Variants in HIVEP3 observed in about 807,000 individuals in gnomAD.
The protein encoded by HIVEP3 is HIVEP zinc finger 3.
A neutral mutation model predicts 152.8 loss-of-function variants in HIVEP3; 49 were observed. That is an observed-to-expected ratio of 0.32 (90% CI 0.26 to 0.41). HIVEP3 has a LOEUF of 0.41. HIVEP3 is among the 10% of genes least tolerant of loss of function. The pLI, the probability that HIVEP3 is intolerant of heterozygous loss-of-function variation, is 1.00. For synonymous variants in HIVEP3, 1,269 were observed against 1,289.0 expected, an observed-to-expected ratio of 0.98 and a Z score of 0.33; for missense variants, 2,790 against 3,103.3, an observed-to-expected ratio of 0.90 and a Z score of 2.40.
chr1:41,517,179 G>A (rs1034709880), intron 7 of HIVEP3, among the ~76,000 whole-genome samples: 1 of 152,216 alleles, frequency 6.6e-6, no homozygotes, highest in African/African-American at 2.4e-5. Context: ...GAGGGCTCTG[G>A]CTTAGGTTCA....
chr1:41,982,946 A>G (rs1420179477), intron 1 of HIVEP3, among the ~76,000 whole-genome samples: 1 of 152,238 alleles, frequency 6.6e-6, no homozygotes, highest in East Asian at 1.9e-4. Flanking sequence ...ACCAGGGACA[A>G]CTTTTCCATA....
At chr1:41,645,348 G>A (rs189387457) in intron 2 of HIVEP3, among the ~76,000 whole-genome samples, 40 of 152,322 alleles carry the variant, frequency 2.6e-4, no homozygotes, top group African/African-American at 9.4e-4. Context: ...GGCCCTAGAA[G>A]AGAAGGAAGT....
At chr1:41,800,042 G>A (rs376325391) in intron 1 of HIVEP3, among the ~76,000 whole-genome samples, 1 of 152,208 alleles carries the variant, frequency 6.6e-6, no homozygotes, top group African/African-American at 2.4e-5. Flanking sequence ...GCAGGGACAA[G>A]AGCATCAATT....
Position 41,703,432 on chromosome 1 carries a change from C to G in HIVEP3, c.-800-2437G>C, listed in dbSNP as rs145945735. ...ATGAACTCTGATCCCAGACTGCATG[C>G]GTCCGAATCCTGATTCTGATACTTA... is the stretch of plus-strand genomic sequence containing the variant. On this transcript the variant is annotated intron_variant, in intron 1 of 8. Coordinates refer to ENST00000372583, the MANE Select transcript of HIVEP3 (RefSeq NM_024503.5). Among the ~76,000 whole-genome samples the G allele has an allele frequency of 4.0e-3, 611 of 152,288 alleles. 6 individuals are homozygous for G. Among genetic ancestry groups the G allele is most frequent in the African/African-American group, 0.014 (597 of 41,560 alleles).
intron 1 of HIVEP3, among the ~76,000 whole-genome samples, chr1:41,861,135 G>T (rs945434266): frequency 3.3e-5 from 5 of 152,190 alleles, no homozygotes; most frequent in Non-Finnish European, 5.9e-5. Flanking sequence ...GTCAGTATGG[G>T]CAGAATGGCT....
At chr1:41,766,250 A>G (rs1233882575) in intron 1 of HIVEP3, among the ~76,000 whole-genome samples, 1 of 152,200 alleles carries the variant, frequency 6.6e-6, no homozygotes, top group East Asian at 1.9e-4. Flanking sequence ...ATATCTGGCA[A>G]TGTCTGGAAA....
chr1:41,945,820 G>T (rs1329032572), intron 1 of HIVEP3, among the ~76,000 whole-genome samples: 1 of 152,192 alleles, frequency 6.6e-6, no homozygotes, highest in African/African-American at 2.4e-5. Flanking sequence ...GGGAGGCATT[G>T]AGGAAGCATA....
chr1:41,788,482 G>C (rs1042076122), intron 1 of HIVEP3, among the ~76,000 whole-genome samples: 1 of 152,232 alleles, frequency 6.6e-6, no homozygotes, highest in Non-Finnish European at 1.5e-5. Flanking sequence ...AGAGAGGCCT[G>C]AGCAGGAGAG....
chr1:41,618,356 C>T (rs1644999426), intron 3 of HIVEP3, among the ~76,000 whole-genome samples: 2 of 152,228 alleles, frequency 1.3e-5, no homozygotes, highest in South Asian at 4.1e-4. Flanking sequence ...TAAGCATGTC[C>T]ATCTGAAAAT....
Position 41,506,799 on chromosome 1 carries a change from T to C in HIVEP3, c.*3652A>G, listed in dbSNP as rs1435949576. On this transcript the variant is annotated 3_prime_UTR_variant, in exon 9 of 9. Coordinates refer to ENST00000372583, the MANE Select transcript of HIVEP3 (RefSeq NM_024503.5). ...AACATAGAAACTTTCTACAGACAAT[T>C]TCACATACAGAATACGTACACCTTT... is the stretch of plus-strand genomic sequence containing the variant. The C allele has an allele frequency of 6.6e-6, 1 of 152,162 alleles. No homozygotes were observed. The highest frequency in any genetic ancestry group is 1.9e-4 in the East Asian group (1 of 5,204). The allele number at this position is 152,162 out of a possible 1,614,324, so 9.4% of individuals were successfully genotyped here.
At chr1:41,964,622 T>G (rs926437153) in intron 1 of HIVEP3, among the ~76,000 whole-genome samples, 1 of 152,186 alleles carries the variant, frequency 6.6e-6, no homozygotes, top group African/African-American at 2.4e-5. Flanking sequence ...CCGGGAGGAA[T>G]TCCCCCACAG....
Position 41,510,142 on chromosome 1 carries a change from A to C in HIVEP3, c.*309T>G. On this transcript the variant is annotated 3_prime_UTR_variant, in exon 9 of 9. Transcript: ENST00000372583. ...TGGGTGGCTGCCAACCACAGCGGGG[A>C]GGGTCAGGAGGCTTCACCATCAGCC... 4.0e-6 allele frequency: 1 copy of C among 248,124 alleles called. No individual in the cohort carries two copies. Among genetic ancestry groups the C allele is most frequent in the Non-Finnish European group, 7.6e-6 (1 of 131,840 alleles). The allele number at this position is 248,124 out of a possible 1,614,324, so 15.4% of individuals were successfully genotyped here. A position where few individuals can be genotyped will look rare whatever the true frequency, so the allele number is the denominator to read the frequency against.
intron 2 of HIVEP3, among the ~76,000 whole-genome samples, chr1:41,689,152 A>G (rs938032855): frequency 2.6e-5 from 4 of 152,204 alleles, no homozygotes; most frequent in African/African-American, 9.6e-5. Flanking sequence ...AGCACAAGGT[A>G]CGTATTGATG....
At chr1:41,801,126 A>C (rs1319751970) in intron 1 of HIVEP3, among the ~76,000 whole-genome samples, 1 of 152,264 alleles carries the variant, frequency 6.6e-6, no homozygotes, top group Non-Finnish European at 1.5e-5. Context: ...ATTAGGGCCC[A>C]GAAAAGAAGA....
chr1:42,031,204 C>G (rs1457495121), intron 1 of HIVEP3, among the ~76,000 whole-genome samples: 2 of 152,154 alleles, frequency 1.3e-5, no homozygotes, highest in Non-Finnish European at 2.9e-5. Context: ...TACCAATTAC[C>G]CCTACAGCCT....
chr1:41,679,005 G>T (rs1645998460), intron 2 of HIVEP3, among the ~76,000 whole-genome samples: 1 of 152,226 alleles, frequency 6.6e-6, no homozygotes, highest in Non-Finnish European at 1.5e-5. Context: ...CATAGAGTTT[G>T]GTGTCCCAGT....
intron 2 of HIVEP3, among the ~76,000 whole-genome samples, chr1:41,634,588 T>C (rs981785504): frequency 6.6e-6 from 1 of 151,578 alleles, no homozygotes; most frequent in Non-Finnish European, 1.5e-5. Context: ...GAAAAAAAAA[T>C]CCAGCTATAT....
chr1:41,988,338 T>G (rs563874814), intron 1 of HIVEP3, among the ~76,000 whole-genome samples: 14 of 152,240 alleles, frequency 9.2e-5, no homozygotes, highest in African/African-American at 3.4e-4. Context: ...TCATCTGATA[T>G]GGGTTAATAC....
intron 5 of HIVEP3, among the ~76,000 whole-genome samples, chr1:41,532,898 AC>A (rs1204705816): frequency 6.6e-6 from 1 of 152,166 alleles, no homozygotes; most frequent in Non-Finnish European, 1.5e-5. Flanking sequence ...GACGGCAGAG[AC>A]CTGGGTGGCA....
Sources: gnomAD v4.1 joint callset for allele counts (sites outside exome capture counted in the v4.1 genomes callset) on GRCh38, gnomAD v4.1.1 for gene constraint, MANE v1.5 for transcripts, NCBI Gene and HGNC (gene_info 2026-07-23, HGNC 2026-07-21) for gene names.